The following TRHDE variants were observed in gnomAD, a reference collection of about 807,000 sequenced individuals.
TRHDE encodes thyrotropin-releasing hormone-degrading ectoenzyme.
Under a neutral mutation model 125.7 loss-of-function variants are expected in TRHDE, and 72 were observed. That is an observed-to-expected ratio of 0.57 (90% confidence interval 0.47 to 0.70). The LOEUF (loss-of-function observed/expected upper bound fraction) is 0.70. TRHDE is among the 30% of genes least tolerant of loss of function. The probability of loss-of-function intolerance (pLI) is 0.00; values close to 1 mark genes in which losing one functional copy is unlikely to be tolerated. For missense variants in TRHDE, 1,110 were observed against 1,327.1 expected, an observed-to-expected ratio of 0.84 and a Z score of 2.54; for synonymous variants, 509 against 509.1, an observed-to-expected ratio of 1.00 and a Z score of 0.00.
intron 7 of TRHDE, among the ~76,000 whole-genome samples, chr12:72,560,993 T>A (rs942738811): frequency 6.6e-6 from 1 of 152,222 alleles, no homozygotes; most frequent in Admixed American, 6.5e-5. Context: ...TCATATGGAA[T>A]GTTCAAAGCC....
chr12:72,535,719 C>CA (rs1470037799), intron 6 of TRHDE, among the ~76,000 whole-genome samples: 2 of 151,010 alleles, frequency 1.3e-5, no homozygotes, highest in Non-Finnish European at 3.0e-5. Flanking sequence ...ACATGTTTTT[C>CA]AAAAAACCAT....
At chr12:72,478,839 T>A (rs1431816713) in intron 5 of TRHDE, among the ~76,000 whole-genome samples, 1 of 143,640 alleles carries the variant, frequency 7.0e-6, no homozygotes, top group Non-Finnish European at 1.5e-5. Context: ...TTCAGATAAT[T>A]CAAAAAGAAT....
At chr12:72,396,076 T>C (rs897675126) in intron 3 of TRHDE, among the ~76,000 whole-genome samples, 2 of 152,192 alleles carry the variant, frequency 1.3e-5, no homozygotes, top group African/African-American at 4.8e-5. Flanking sequence ...GTCTTGACCC[T>C]ATGTCCTCTG....
chr12:72,629,244 A>C (rs1873378791), intron 15 of TRHDE, among the ~76,000 whole-genome samples: 1 of 151,764 alleles, frequency 6.6e-6, no homozygotes, highest in Admixed American at 6.6e-5. Flanking sequence ...CTTTTTTAAA[A>C]AATTATATTA....
intron 3 of TRHDE, among the ~76,000 whole-genome samples, chr12:72,458,692 G>C (rs1189068737): frequency 2.0e-5 from 3 of 152,088 alleles, no homozygotes. Flanking sequence ...GTGTGCTTCA[G>C]TCATATTGAT....
intron 2 of TRHDE, among the ~76,000 whole-genome samples, chr12:72,181,964 A>C (rs1287432764): frequency 6.6e-6 from 1 of 152,212 alleles, no homozygotes; most frequent in African/African-American, 2.4e-5. Context: ...ATTGCAATAA[A>C]AGTAGAAAAT....
chr12:72,653,962 G>A (rs960845556), intron 17 of TRHDE, among the ~76,000 whole-genome samples: 2 of 152,082 alleles, frequency 1.3e-5, no homozygotes, highest in African/African-American at 4.8e-5. Context: ...GAATGGCTGT[G>A]TCATATTAAA....
intron 1 of TRHDE, among the ~76,000 whole-genome samples, chr12:72,279,495 C>T (rs1226127093): frequency 6.6e-6 from 1 of 152,184 alleles, no homozygotes; most frequent in Non-Finnish European, 1.5e-5. Context: ...TTTCAAAGTT[C>T]ATGCCATCCT....
At chr12:72,395,516 C>T (rs1872753983) in intron 3 of TRHDE, among the ~76,000 whole-genome samples, 1 of 152,072 alleles carries the variant, frequency 6.6e-6, no homozygotes, top group East Asian at 1.9e-4. Flanking sequence ...CTCCTTCTCC[C>T]TAGAATTCCC....
chr12:72,234,852 T>A (rs1426833130), intron 2 of TRHDE, among the ~76,000 whole-genome samples: 3 of 152,184 alleles, frequency 2.0e-5, no homozygotes, highest in African/African-American at 7.2e-5. Context: ...GTTCCTAAAA[T>A]TTTTTGAGCA....
chr12:72,418,118 T>C (rs1357401403), intron 3 of TRHDE, among the ~76,000 whole-genome samples: 3 of 152,092 alleles, frequency 2.0e-5, no homozygotes, highest in African/African-American at 7.2e-5. Context: ...AGTTTGTTGC[T>C]CAATTTCTTT....
intron 7 of TRHDE, among the ~76,000 whole-genome samples, chr12:72,554,452 G>A (rs1869826608): frequency 6.6e-6 from 1 of 152,074 alleles, no homozygotes; most frequent in Admixed American, 6.6e-5. Context: ...AATCAGCATG[G>A]GTTAATAACT....
intron 9 of TRHDE, among the ~76,000 whole-genome samples, chr12:72,565,826 A>G (rs1870415383): frequency 6.6e-6 from 1 of 152,156 alleles, no homozygotes; most frequent in Non-Finnish European, 1.5e-5. Context: ...GACTGATAAG[A>G]GAGGCAGTCC....
chr12:72,543,219 A>G (rs1869240440), intron 7 of TRHDE, among the ~76,000 whole-genome samples: 1 of 151,468 alleles, frequency 6.6e-6, no homozygotes, highest in African/African-American at 2.4e-5. Flanking sequence ...TAGTAGTATA[A>G]TTCTATCTGT....
At chr12:72,443,409 A>C (rs981489912) in intron 3 of TRHDE, among the ~76,000 whole-genome samples, 4 of 151,730 alleles carry the variant, frequency 2.6e-5, no homozygotes, top group African/African-American at 9.7e-5. Flanking sequence ...ATTATATTGC[A>C]CTTACTATGT....
chr12:72,163,224 G>A (rs775944025), intron 2 of TRHDE: 3 of 152,170 alleles, frequency 2.0e-5, no homozygotes, highest in Non-Finnish European at 4.4e-5. Flanking sequence ...GAATATATAT[G>A]CATACCCTTG....
chr12:72,440,945 G>T (rs1209790385), intron 3 of TRHDE, among the ~76,000 whole-genome samples: 5 of 151,868 alleles, frequency 3.3e-5, no homozygotes, highest in African/African-American at 7.2e-5. Flanking sequence ...CAAGAAGTTA[G>T]TAACAAATGA....
Position 72,470,863 on chromosome 12 carries a change from C to CTTTTTT in TRHDE, c.1470+977_1470+982dup, listed in dbSNP as rs768937293. On this transcript the variant is annotated intron_variant, in intron 4 of 18. Transcript: ENST00000261180. ...GACGACCGTTCTATGTAAATGTCAG[C>CTTTTTT]TTTTTTTTTTTTTTTTTTTTTTTTT... is the stretch of plus-strand genomic sequence containing the variant. 5.7e-4 allele frequency among the ~76,000 whole-genome samples: 39 copies of CTTTTTT among 67,940 alleles called. 5 individuals carry two copies. Among genetic ancestry groups the CTTTTTT allele is most frequent in the South Asian group, 3.5e-3 (6 of 1,694 alleles). 44.6% of individuals were successfully genotyped at this position (67,940 alleles called of 152,430 possible).
intron 15 of TRHDE, among the ~76,000 whole-genome samples, chr12:72,641,124 G>A (rs540228741): frequency 6.6e-6 from 1 of 152,112 alleles, no homozygotes; most frequent in African/African-American, 2.4e-5. Flanking sequence ...GGCAGTTACT[G>A]GTCAAATTAG....
Sources: gnomAD v4.1 joint callset for allele counts (sites outside exome capture counted in the v4.1 genomes callset) on GRCh38, gnomAD v4.1.1 for gene constraint, MANE v1.5 for transcripts, NCBI Gene and HGNC (gene_info 2026-07-23, HGNC 2026-07-21) for gene names.